The following FAM222B variants were observed in gnomAD, a reference collection of about 807,000 sequenced individuals.
FAM222B encodes the protein protein FAM222B.
In FAM222B, 12 loss-of-function variants were observed where a neutral mutation model predicts 38.0. The observed-to-expected ratio is 0.32, with a 90% CI of 0.20 to 0.51. The LOEUF (loss-of-function observed/expected upper bound fraction) is 0.51. Ranked by LOEUF, FAM222B falls within the 20% of genes least tolerant of loss-of-function variation. The pLI is 0.97. For missense variants in FAM222B, 716 were observed against 754.2 expected, an observed-to-expected ratio of 0.95 and a Z score of 0.59; for synonymous variants, 329 against 317.2, an observed-to-expected ratio of 1.04 and a Z score of -0.40.
intron 1 of FAM222B, among the ~76,000 whole-genome samples, chr17:28,827,789 A>G (rs1219081048): frequency 6.6e-6 from 1 of 152,198 alleles, no homozygotes; most frequent in Non-Finnish European, 1.5e-5. Context: ...TCTGCTATGT[A>G]TCAGGCACTA....
At chr17:28,849,123 T>C (rs1294037115) in intron 1 of FAM222B, among the ~76,000 whole-genome samples, 1 of 151,918 alleles carries the variant, frequency 6.6e-6, no homozygotes, top group East Asian at 1.9e-4. Flanking sequence ...TAGCCGGGCG[T>C]GGTGGCGGGC....
chr17:28,841,984 G>A (rs1038138174), intron 1 of FAM222B, among the ~76,000 whole-genome samples: 1 of 152,082 alleles, frequency 6.6e-6, no homozygotes, highest in Non-Finnish European at 1.5e-5. Context: ...CATTAACAAC[G>A]GTAAGGTCTA....
chr17:28,799,522 G>A (rs897345706), intron 1 of FAM222B, among the ~76,000 whole-genome samples: 1 of 150,620 alleles, frequency 6.6e-6, no homozygotes, highest in East Asian at 2.0e-4. Flanking sequence ...TGTTCGCCAG[G>A]ATGGTCTCGA....
chr17:28,816,558 A>G (rs866607125), intron 1 of FAM222B, among the ~76,000 whole-genome samples: 3 of 152,168 alleles, frequency 2.0e-5, no homozygotes, highest in South Asian at 2.1e-4. Context: ...CAACCAAAAA[A>G]AAAATAAATA....
chr17:28,763,551 G>T (rs2035184984), intron 2 of FAM222B, among the ~76,000 whole-genome samples: 1 of 152,234 alleles, frequency 6.6e-6, no homozygotes, highest in African/African-American at 2.4e-5. Context: ...CTTCTGTTTT[G>T]AAGGTCAGAG....
upstream of FAM222B, among the ~76,000 whole-genome samples, chr17:28,844,672 T>C (rs374868251): frequency 1.6e-4 from 24 of 150,564 alleles, 1 homozygote; most frequent in East Asian, 3.8e-3. Flanking sequence ...GAAAAAAAAA[T>C]TAAAAATAAA....
At chr17:28,776,914 G>A (rs1251788447) in intron 1 of FAM222B, 1 of 152,090 alleles carries the variant, frequency 6.6e-6, no homozygotes, top group Non-Finnish European at 1.5e-5. Flanking sequence ...AAAATTACAA[G>A]TTTATCAAAT....
chr17:28,776,375 CAA>C (rs35900323), intron 1 of FAM222B, among the ~76,000 whole-genome samples: 61 of 62,468 alleles, frequency 9.8e-4, no homozygotes, highest in Non-Finnish European at 1.5e-3. Flanking sequence ...GACTCCGTCT[CAA>C]AAAAAAAAAA....
Position 28,758,956 on chromosome 17 carries a change from C to A in FAM222B, c.1003G>T (p.Ala335Ser). 2.5e-6 allele frequency: 4 copies of A among 1,610,336 alleles called. No homozygotes were observed. The highest frequency in any genetic ancestry group is 3.4e-6 in the Non-Finnish European group (4 of 1,178,552). ...NPMEHTHAATAALPAAGPVNL... is the reference protein window; with the variant it reads ...NPMEHTHAATSALPAAGPVNL... ...ACAGGACCTGCAGCAGGCAACGCGG[C>A]GGTGGCCGCGTGGGTGTGCTCCATG... The change falls in exon 3 of 3, where the codon GCC becomes TCC. Residue 335 changes from alanine to serine, a missense_variant. Ala to Ser is a moderately conservative substitution (Grantham distance 99, BLOSUM62 1). Transcript: ENST00000581407.
rs376878480 is a variant in FAM222B, at chr17:28,853,611, T to G, written c.-41+1339A>C. Reference sequence around the variant, plus strand: ...TTGTTATACTGTATTGTGTTGTATTTTTGTTGCTATTGTTATTTTAGAGAT... The same window carrying G: ...TTGTTATACTGTATTGTGTTGTATTGTTGTTGCTATTGTTATTTTAGAGAT... On this transcript the variant is annotated intron_variant, in intron 1 of 2. Transcript: ENST00000577513. Among the ~76,000 whole-genome samples the G allele has an allele frequency of 1.8e-4, 28 of 152,280 alleles. No individual in the cohort carries two copies. The East Asian group carries it at 3.1e-3, about 17-fold the overall frequency.
chr17:28,788,129 C>T (rs912419913), intron 1 of FAM222B, among the ~76,000 whole-genome samples: 1 of 151,406 alleles, frequency 6.6e-6, no homozygotes, highest in African/African-American at 2.4e-5. Context: ...CAGCCTAAAG[C>T]AGTCCTTTAA....
intron 1 of FAM222B, among the ~76,000 whole-genome samples, chr17:28,781,322 A>G (rs1356437290): frequency 1.3e-5 from 2 of 152,078 alleles, no homozygotes; most frequent in Non-Finnish European, 2.9e-5. Flanking sequence ...CCAAAAACAA[A>G]CAAAAATACC....
Position 28,756,034 on chromosome 17 carries a change from A to G in FAM222B, c.*2236T>C, listed in dbSNP as rs1251931053. Reference sequence around the variant, plus strand: ...TAATCTTAAAAACCCCATCACACCCATAAACCACCACAGGTGAGGTGAGAG... The same window carrying G: ...TAATCTTAAAAACCCCATCACACCCGTAAACCACCACAGGTGAGGTGAGAG... On this transcript the variant is annotated 3_prime_UTR_variant, in exon 3 of 3. Coordinates refer to ENST00000581407, the MANE Select transcript of FAM222B (RefSeq NM_001077498.3). 6.6e-6 allele frequency: 1 copy of G among 152,644 alleles called. No homozygotes were observed. The highest frequency in any genetic ancestry group is 2.4e-5 in the African/African-American group (1 of 41,472). 9.5% of individuals were successfully genotyped at this position (152,644 alleles called of 1,614,324 possible). A position where few individuals can be genotyped will look rare whatever the true frequency, so the allele number is the denominator to read the frequency against.
intron 1 of FAM222B, among the ~76,000 whole-genome samples, chr17:28,826,616 G>A (rs2038448788): frequency 6.6e-6 from 1 of 150,838 alleles, no homozygotes; most frequent in African/African-American, 2.4e-5. Context: ...GGGAGGCAGA[G>A]GTTGTGGTGA....
At chr17:28,846,048 A>G (rs2039143332), upstream of FAM222B, among the ~76,000 whole-genome samples, 1 of 150,910 alleles carries the variant, frequency 6.6e-6, no homozygotes, top group African/African-American at 2.4e-5. Context: ...CTAAAAATAC[A>G]AAAAATTAGC....
intron 1 of FAM222B, among the ~76,000 whole-genome samples, chr17:28,788,987 T>C (rs2036539078): frequency 6.9e-6 from 1 of 145,294 alleles, no homozygotes; most frequent in Non-Finnish European, 1.5e-5. Flanking sequence ...TTTCAGGTGA[T>C]CTGCCTGCCT....
chr17:28,772,426 T>C (rs756738109), intron 1 of FAM222B, among the ~76,000 whole-genome samples: 1 of 151,800 alleles, frequency 6.6e-6, no homozygotes, highest in African/African-American at 2.4e-5. Context: ...TGGATTTCAA[T>C]AGAAAGAACA....
At chr17:28,846,084 T>G (rs936659544), upstream of FAM222B, among the ~76,000 whole-genome samples, 1 of 150,816 alleles carries the variant, frequency 6.6e-6, no homozygotes, top group Non-Finnish European at 1.5e-5. Flanking sequence ...GCGCCTGTAG[T>G]CCCAGGTACA....
intron 1 of FAM222B, among the ~76,000 whole-genome samples, chr17:28,831,504 C>CTTTTTTT (rs35692613): frequency 2.7e-5 from 3 of 110,860 alleles, no homozygotes; most frequent in Admixed American, 9.9e-5. Flanking sequence ...TTGTCAAAGG[C>CTTTTTTT]TTTTTTTTTT....
Sources: gnomAD v4.1 joint callset for allele counts (sites outside exome capture counted in the v4.1 genomes callset) on GRCh38, gnomAD v4.1.1 for gene constraint, MANE v1.5 for transcripts, NCBI Gene and HGNC (gene_info 2026-07-23, HGNC 2026-07-21) for gene names.